The following ZNF106 variants were observed in gnomAD, a reference collection of about 807,000 sequenced individuals.
ZNF106 encodes zinc finger protein 106.
In ZNF106, 67 loss-of-function variants were observed where a neutral mutation model predicts 195.1. The observed-to-expected ratio is 0.34, with a 90% CI of 0.28 to 0.42. The LOEUF is 0.42. ZNF106 is among the 10% of genes least tolerant of loss of function. The pLI is 1.00. For missense variants in ZNF106, 2,118 were observed against 2,304.5 expected (o/e 0.92, Z 1.66); for synonymous variants, 784 against 818.6 (o/e 0.96, Z 0.72).
chr15:42,470,838 C>A (rs2056649657), intron 2 of ZNF106, among the ~76,000 whole-genome samples: 1 of 152,040 alleles, frequency 6.6e-6, no homozygotes, highest in Admixed American at 6.6e-5. Context: ...TTGTATAAAC[C>A]TTCATCAAAT....
intron 12 of ZNF106, 68 bp downstream of exon 12, chr15:42,438,544 T>A: frequency 1.4e-6 from 2 of 1,380,900 alleles, no homozygotes; most frequent in Non-Finnish European, 2.0e-6. Flanking sequence ...TAGGTTTAAA[T>A]CCTGGCTTTA....
chr15:42,443,463 C>G (rs1018415411), intron 9 of ZNF106, among the ~76,000 whole-genome samples: 1 of 152,086 alleles, frequency 6.6e-6, no homozygotes, highest in Middle Eastern at 3.4e-3. Context: ...GAGATTCCAT[C>G]TCTATAAAAG....
chr15:42,459,449 C>T (rs1454378121), intron 3 of ZNF106, among the ~76,000 whole-genome samples: 1 of 151,920 alleles, frequency 6.6e-6, no homozygotes, highest in Non-Finnish European at 1.5e-5. Flanking sequence ...GCACTCCAGC[C>T]TGGGCAACAG....
intron 3 of ZNF106, among the ~76,000 whole-genome samples, chr15:42,465,431 T>C (rs550913472): frequency 3.3e-5 from 5 of 152,034 alleles, no homozygotes; most frequent in Admixed American, 3.3e-4. Context: ...GGCTATTAGC[T>C]GCCACACCCA....
chr15:42,452,774 C>G (rs2056088632), intron 4 of ZNF106, among the ~76,000 whole-genome samples: 1 of 141,842 alleles, frequency 7.1e-6, no homozygotes, highest in Non-Finnish European at 1.5e-5. Flanking sequence ...CAACCTCTGT[C>G]TCCCAGGCTC....
intron 1 of ZNF106, among the ~76,000 whole-genome samples, chr15:42,482,601 T>A (rs1239060692): frequency 1.4e-5 from 2 of 141,056 alleles, no homozygotes; most frequent in Admixed American, 1.5e-4. Flanking sequence ...CGATCTCAGC[T>A]CACTGCAAGC....
At chr15:42,418,021 G>C (rs61071861) in intron 20 of ZNF106, 70 bp from the exon 21 acceptor site, 377,880 of 1,494,938 alleles carry the variant, frequency 0.25, 55,344 homozygotes, top group African/African-American at 0.65. Context: ...ACAGCCCCCA[G>C]CTGGATCCCA....
Position 42,451,302 on chromosome 15 carries a change from A to G in ZNF106, c.970T>C (p.Phe324Leu). The part of the protein sequence containing the change: ...VATYRGPSEG[F>L]TSDKFPSEGL... ...TCTGAAGGAAATTTATCACTTGTAA[A>G]TCCTTCAGAAGGACCTCTATATGTG... is the stretch of plus-strand genomic sequence containing the variant. The change falls in exon 5 of 22, where the codon TTT becomes CTT. Residue 324 changes from phenylalanine (F) to leucine (L), a missense_variant. By Grantham distance (22) the Phe-to-Leu change is conservative. Transcript: ENST00000564754. The G allele has an allele frequency of 6.2e-7, 1 of 1,614,084 alleles. No homozygotes were observed. Among genetic ancestry groups the G allele is most frequent in the Non-Finnish European group, 8.5e-7 (1 of 1,180,012 alleles).
At chr15:42,438,324 G>A (rs2055363651) in intron 12 of ZNF106, among the ~76,000 whole-genome samples, 1 of 152,200 alleles carries the variant, frequency 6.6e-6, no homozygotes, top group South Asian at 2.1e-4. Flanking sequence ...CTGGGAGGTG[G>A]AAGTTGCAGT....
At chr15:42,481,958 A>C (rs1207824581) in intron 1 of ZNF106, among the ~76,000 whole-genome samples, 1 of 152,078 alleles carries the variant, frequency 6.6e-6, no homozygotes, top group African/African-American at 2.4e-5. Context: ...TCCCTCCCAG[A>C]TTTCAATTAA....
At chr15:42,464,273 G>T (rs2056461847) in intron 3 of ZNF106, among the ~76,000 whole-genome samples, 1 of 151,558 alleles carries the variant, frequency 6.6e-6, no homozygotes, top group Non-Finnish European at 1.5e-5. Flanking sequence ...CCGGGAGGCG[G>T]AGGTTGCAGT....
rs1444791191 is a variant in ZNF106, at chr15:42,450,299, G to T, written c.1973C>A (p.Ser658Tyr). Residue 658 changes from serine to tyrosine, a missense_variant, in exon 5 of 22, where the codon TCT (serine) becomes TAT (tyrosine). Ser to Tyr is a moderately radical substitution (Grantham distance 144). Coordinates refer to ENST00000564754, the MANE Select transcript of ZNF106 (RefSeq NM_001366845.3). ...KEEDDRILKT[S>Y]RELSTSPCNP... ...ACATGGGGAAGTGGATAGCTCTCTA[G>T]AAGTCTTCAGGATGCGGTCATCCTC... 1.2e-6 allele frequency: 2 copies of T among 1,614,142 alleles called. No individual in the cohort carries two copies. The highest frequency in any genetic ancestry group is 4.5e-5 in the East Asian group (2 of 44,880).
In ZNF106 at chr15:42,437,290, A is replaced by G. The variant is rs761385983; in HGVS notation, c.4688T>C (p.Phe1563Ser). ...HQAAVNAIQI[F>S]GNLLYTCSAD... ...TGAACAGGTATATAGCAAGTTCCCAAATATCTGAATTGCATTTACGGCAGC... is the reference window on the plus strand; with the variant it reads ...TGAACAGGTATATAGCAAGTTCCCAGATATCTGAATTGCATTTACGGCAGC... The change falls in exon 13 of 22, where the codon TTT becomes TCT. Residue 1563 changes from phenylalanine (F) to serine (S), a missense_variant. Physicochemically the swap from Phe to Ser is radical, Grantham distance 155. Coordinates refer to ENST00000564754, the MANE Select transcript of ZNF106 (RefSeq NM_001366845.3). The G allele has an allele frequency of 1.2e-5, 19 of 1,614,044 alleles. No homozygotes were observed. The highest frequency in any genetic ancestry group is 2.5e-6 in the Non-Finnish European group (3 of 1,180,030).
Position 42,415,160 on chromosome 15 carries a change from C to T in ZNF106, c.*2144G>A, listed in dbSNP as rs183109080. 1.4e-4 allele frequency: 21 copies of T among 151,974 alleles called. No individual in the cohort carries two copies. The highest frequency in any genetic ancestry group is 5.2e-4 in the South Asian group (3 of 5,820). The allele number at this position is 151,974 out of a possible 1,614,324, so 9.4% of individuals were successfully genotyped here. On this transcript the variant is annotated 3_prime_UTR_variant, in exon 22 of 22. Coordinates refer to ENST00000564754, the MANE Select transcript of ZNF106 (RefSeq NM_001366845.3). ...TTTTGAGGTGGAGTTTCACTCTTGTCGCCCAGGCTGGAGTGCAGTAGTATG... is the reference window on the plus strand; with the variant it reads ...TTTTGAGGTGGAGTTTCACTCTTGTTGCCCAGGCTGGAGTGCAGTAGTATG...
At chr15:42,458,108 G>A (rs1371289746) in intron 3 of ZNF106, among the ~76,000 whole-genome samples, 1 of 152,044 alleles carries the variant, frequency 6.6e-6, no homozygotes, top group Non-Finnish European at 1.5e-5. Context: ...CAAGACAGCA[G>A]TATCCATTCA....
chr15:42,434,827 G>C (rs936961093), intron 14 of ZNF106, among the ~76,000 whole-genome samples: 1 of 148,608 alleles, frequency 6.7e-6, no homozygotes, highest in Non-Finnish European at 1.5e-5. Flanking sequence ...AGGCTGGAGT[G>C]CAGTGGCACA....
intron 7 of ZNF106, 95 bp downstream of exon 7, chr15:42,446,494 T>C: frequency 1.1e-6 from 1 of 906,370 alleles, no homozygotes; most frequent in South Asian, 1.5e-5. Flanking sequence ...AGAGGATTGC[T>C]TGAGCCCAAG....
intron 14 of ZNF106, among the ~76,000 whole-genome samples, chr15:42,433,474 TC>T (rs1456546099): frequency 3.8e-5 from 5 of 132,652 alleles, no homozygotes; most frequent in Non-Finnish European, 7.8e-5. Context: ...TTTGCATTGT[TC>T]TTTTTTTTTT....
Position 42,448,646 on chromosome 15 carries a change from C to T in ZNF106, c.2561G>A (p.Gly854Glu), listed in dbSNP as rs761952506. Residue 854 changes from glycine to glutamate, a missense_variant, in exon 6 of 22, where the codon GGG (glycine) becomes GAG (glutamate). Physicochemically the swap from Gly to Glu is moderately conservative, Grantham distance 98. Transcript: ENST00000564754. ...QNEQEALDLD[G>E]EPDLSSLEGF... ...TTCTAGACTGGACAGATCAGGTTCC[C>T]CATCCAAATCTAAGGCTTCTTGTTC... The T allele has an allele frequency of 1.9e-6, 3 of 1,613,184 alleles. No individual in the cohort carries two copies. The highest frequency in any genetic ancestry group is 1.7e-6 in the Non-Finnish European group (2 of 1,179,966).
Sources: allele counts gnomAD v4.1 joint callset (sites outside exome capture counted in the v4.1 genomes callset), GRCh38; gene constraint gnomAD v4.1.1; transcripts MANE v1.5; gene names NCBI Gene and HGNC (gene_info 2026-07-23, HGNC 2026-07-21).